Variants in NUP153 observed in about 807,000 individuals in gnomAD.
NUP153 encodes nuclear pore complex protein Nup153.
In NUP153, 27 loss-of-function variants were observed where a neutral mutation model predicts 134.6. The ratio of observed to expected loss-of-function variants is 0.20; its 90% confidence interval spans 0.15 to 0.28. The LOEUF is 0.28. NUP153 is among the 10% of genes least tolerant of loss of function. The pLI is 1.00. For synonymous variants in NUP153, 640 were observed against 623.5 expected (o/e 1.03, Z -0.40); for missense variants, 1,821 against 1,731.3 (o/e 1.05, Z -0.92).
At position 17,616,192 on chromosome 6, in the gene NUP153, T is replaced by A; in HGVS notation, c.4344-11A>T. On this transcript the variant is annotated splice_polypyrimidine_tract_variant and intron_variant, in intron 21 of 21. Coordinates refer to ENST00000262077, the MANE Select transcript of NUP153 (RefSeq NM_005124.4). ...TTTTTCCCATTTGACCTGTGAAAAA[T>A]AAAAACTTCATAATGTGACATGATG... is the stretch of plus-strand genomic sequence containing the variant. 1 of 1,362,684 alleles carries A rather than the reference T, an allele frequency of 7.3e-7. No homozygotes were observed. The highest frequency in any genetic ancestry group is 9.7e-7 in the Non-Finnish European group (1 of 1,032,914). The allele number at this position is 1,362,684 out of a possible 1,614,324, so 84.4% of individuals were successfully genotyped here.
chr6:17,660,378 T>C (rs1767106794), intron 11 of NUP153, among the ~76,000 whole-genome samples: 1 of 152,100 alleles, frequency 6.6e-6, no homozygotes, highest in African/African-American at 2.4e-5. Context: ...TAAGCTAAGC[T>C]GAAATGCATT....
Position 17,628,792 on chromosome 6 carries a change from C to A in NUP153, c.3407G>T (p.Gly1136Val). The part of the protein sequence containing the change: ...EPKCQPVFSF[G>V]NSEQTKDENS... The stretch of plus-strand genomic sequence containing the variant: ...CTCATCTTTGGTTTGCTCTGAATTC[C>A]CAAAGGAAAACACTGGTTGACACTT... Residue 1136 changes from glycine to valine, a missense_variant, in exon 18 of 22, where the codon GGG becomes GTG. By Grantham distance (109) the Gly-to-Val change is moderately radical (BLOSUM62 -3). Transcript: ENST00000262077. This position sits in a 1 kb window ranked among gnomAD's most constrained non-coding sequence, Gnocchi z 5.4. 1 of 1,614,006 alleles carries A rather than the reference C, an allele frequency of 6.2e-7. No individual in the cohort carries two copies. Among genetic ancestry groups the A allele is most frequent in the Non-Finnish European group, 8.5e-7 (1 of 1,179,990 alleles).
At chr6:17,700,462 C>A (rs190837880) in intron 1 of NUP153, among the ~76,000 whole-genome samples, 10 of 152,210 alleles carry the variant, frequency 6.6e-5, no homozygotes, top group Non-Finnish European at 1.0e-4. Flanking sequence ...CTATCCAATC[C>A]TATCAATGTT....
At chr6:17,620,732 T>C (rs574738181) in intron 20 of NUP153, among the ~76,000 whole-genome samples, 17 of 152,284 alleles carry the variant, frequency 1.1e-4, no homozygotes, top group African/African-American at 3.4e-4. Context: ...TTAATGTATC[T>C]TGTGTTTGGC....
At chr6:17,655,411 C>T (rs1766753291) in intron 11 of NUP153, among the ~76,000 whole-genome samples, 1 of 151,852 alleles carries the variant, frequency 6.6e-6, no homozygotes, top group Non-Finnish European at 1.5e-5. Context: ...CTTCCAAAGG[C>T]CCATGAAAAT....
rs1444390150 is a variant in NUP153 at position 17,625,644 on chromosome 6, T to C, written c.3901+164A>G. On this transcript the variant is annotated intron_variant, in intron 19 of 21. Coordinates refer to ENST00000262077, the MANE Select transcript of NUP153 (RefSeq NM_005124.4). The surrounding 1 kb of genome is among the most constrained non-coding windows in gnomAD (Gnocchi z 4.7). ...ATGTTAAAGTTGAACACAGAGAGTGTACATTATTCCATACAGTGAATAATT... is the reference window on the plus strand; with the variant it reads ...ATGTTAAAGTTGAACACAGAGAGTGCACATTATTCCATACAGTGAATAATT... Among the ~76,000 whole-genome samples, 1 of 152,240 alleles carries C rather than the reference T, an allele frequency of 6.6e-6. No individual in the cohort carries two copies. Among genetic ancestry groups the C allele is most frequent in the Non-Finnish European group, 1.5e-5 (1 of 68,048 alleles).
At chr6:17,695,596 C>T (rs1581778822) in intron 1 of NUP153, among the ~76,000 whole-genome samples, 1 of 152,280 alleles carries the variant, frequency 6.6e-6, no homozygotes, top group East Asian at 1.9e-4. Flanking sequence ...TTGATTTCCA[C>T]CGTTAAAGAC....
chr6:17,669,612 A>C (rs1474582471), intron 5 of NUP153, 66 bp from the exon 6 acceptor site: 1 of 1,065,802 alleles, frequency 9.4e-7, no homozygotes, highest in African/African-American at 1.6e-5. Flanking sequence ...CATGCAGTGA[A>C]AATATTTACA....
chr6:17,622,855 G>T (rs1764715323), intron 20 of NUP153, among the ~76,000 whole-genome samples: 1 of 152,118 alleles, frequency 6.6e-6, no homozygotes, highest in African/African-American at 2.4e-5. Flanking sequence ...TAAAGGCTGG[G>T]CGTGGTGGCT....
chr6:17,665,756 T>TG (rs1331273849), intron 8 of NUP153, among the ~76,000 whole-genome samples: 2 of 151,852 alleles, frequency 1.3e-5, no homozygotes, highest in Non-Finnish European at 2.9e-5. Flanking sequence ...ACTCCTGCTC[T>TG]GTCACCCAGA....
At chr6:17,698,737 CAAAAAAAAAAAAAA>C (rs57961707) in intron 1 of NUP153, among the ~76,000 whole-genome samples, 1 of 80,080 alleles carries the variant, frequency 1.2e-5, no homozygotes. Flanking sequence ...GACTCTGTCT[CAAAAAAAAAAAAAA>C]AAAAAGAGCT....
intron 21 of NUP153, 88 bp from the exon 22 acceptor site, chr6:17,616,269 A>AG: frequency 2.4e-6 from 1 of 423,054 alleles, no homozygotes; most frequent in Non-Finnish European, 4.0e-6. Flanking sequence ...GCACAAGGGT[A>AG]AGGGGGGTCG....
chr6:17,639,400 G>A (rs1765727282), intron 15 of NUP153, among the ~76,000 whole-genome samples: 1 of 152,042 alleles, frequency 6.6e-6, no homozygotes, highest in Non-Finnish European at 1.5e-5. Context: ...CTTATACTAT[G>A]TATCATAAAT....
intron 9 of NUP153, among the ~76,000 whole-genome samples, chr6:17,663,674 G>A (rs1033004695): frequency 6.6e-6 from 1 of 152,038 alleles, no homozygotes; most frequent in African/African-American, 2.4e-5. Context: ...AGAAATACAT[G>A]GCAAATCACT....
intron 14 of NUP153, among the ~76,000 whole-genome samples, chr6:17,643,407 G>A (rs1414117576): frequency 6.6e-6 from 1 of 152,148 alleles, no homozygotes; most frequent in East Asian, 1.9e-4. Context: ...AGGAGACGGA[G>A]GTTGCGGTGA....
In NUP153 at chr6:17,637,181, C is replaced by T; in HGVS notation, c.2436G>A (p.Lys812=). 1.2e-6 allele frequency: 2 copies of T among 1,613,556 alleles called. No homozygotes were observed. The highest frequency in any genetic ancestry group is 1.3e-5 in the African/African-American group (1 of 75,048). Residue 812 remains lysine, a synonymous_variant, in exon 16 of 22, where the codon AAG becomes AAA. Transcript: ENST00000262077. ...CCVSNNAEDN[K]CVSCMSEKPG... ...GTTTCTCAGACATACAGGACACACA[C>T]TTATTGTCTTCTGCATTATTAGAAA...
At chr6:17,620,633 C>T (rs963890330) in intron 20 of NUP153, among the ~76,000 whole-genome samples, 1 of 152,164 alleles carries the variant, frequency 6.6e-6, no homozygotes, top group Non-Finnish European at 1.5e-5. Context: ...CTCTGAATGC[C>T]GTCCAACACA....
At chr6:17,646,243 T>C in intron 13 of NUP153, 89 bp from the exon 14 acceptor site, 1 of 632,756 alleles carries the variant, frequency 1.6e-6, no homozygotes, top group African/African-American at 1.9e-5. Flanking sequence ...AGTCTTACTC[T>C]GTCGCCCAGG....
In NUP153 at chr6:17,649,184, C is replaced by T. The variant is rs201508746; in HGVS notation, c.1512G>A (p.Ser504=). 33 of 1,612,504 alleles carry T rather than the reference C, an allele frequency of 2.0e-5. No individual in the cohort carries two copies. Among genetic ancestry groups the T allele is most frequent in the African/African-American group, 1.7e-4 (13 of 74,826 alleles). The change falls in exon 12 of 22, where the codon TCG becomes TCA. Residue 504 remains serine, a synonymous_variant. Coordinates refer to ENST00000262077, the MANE Select transcript of NUP153 (RefSeq NM_005124.4). ...GTACCTTGTTTGTTAATGCTTGAGA[C>T]GAATTGATGGGTGATGGAGAGGAAG... ...ITTSSPSPIN[S]SQALTNKVQM...
Sources: gnomAD v4.1 joint callset for allele counts (sites outside exome capture counted in the v4.1 genomes callset) on GRCh38, gnomAD v4.1.1 for gene constraint, Gnocchi (gnomAD v3.1) non-coding constraint, MANE v1.5 for transcripts, NCBI Gene and HGNC (gene_info 2026-07-23, HGNC 2026-07-21) for gene names.